Variants in ARHGEF10L observed in about 807,000 individuals in gnomAD.
ARHGEF10L encodes the protein rho guanine nucleotide exchange factor 10-like protein.
In ARHGEF10L, 69 loss-of-function variants were observed where a neutral mutation model predicts 141.2. The ratio of observed to expected loss-of-function variants is 0.49; its 90% CI spans 0.40 to 0.60. The LOEUF (loss-of-function observed/expected upper bound fraction) is 0.60, where lower values mean the gene tolerates loss of function less well. Among genes scored for constraint, ARHGEF10L ranks in the 20% least tolerant of loss-of-function variants. ARHGEF10L has a pLI of 0.00. For synonymous variants in ARHGEF10L, 711 were observed against 718.5 expected, an observed-to-expected ratio of 0.99 and a Z score of 0.17; for missense variants, 1,482 against 1,734.3, an observed-to-expected ratio of 0.85 and a Z score of 2.58.
At position 17,619,519 on chromosome 1, in the gene ARHGEF10L, G is replaced by A; in HGVS notation, c.942+74G>A. The A allele has an allele frequency of 8.2e-7, 1 of 1,221,976 alleles. No individual in the cohort carries two copies. The highest frequency in any genetic ancestry group is 1.1e-6 in the Non-Finnish European group (1 of 875,604). The allele number at this position is 1,221,976 out of a possible 1,614,324, so 75.7% of individuals were successfully genotyped here. On this transcript the variant is annotated intron_variant, in intron 10 of 28. Coordinates refer to ENST00000361221, the MANE Select transcript of ARHGEF10L (RefSeq NM_018125.4). The surrounding 1 kb of genome is among the most constrained non-coding windows in gnomAD (Gnocchi z 5.0). ...TTGGGGGTTCCAGCCTGTTCTCTGG[G>A]GCCACGCTTGTCTGGATCTCACAGG...
rs2059779317 is a variant in ARHGEF10L at position 17,615,904 on chromosome 1, A to G, written c.727-190A>G. 1 of 577,582 alleles carries G rather than the reference A, an allele frequency of 1.7e-6. No individual in the cohort carries two copies. The highest frequency in any genetic ancestry group is 1.9e-5 in the African/African-American group (1 of 53,380). The allele number at this position is 577,582 out of a possible 1,614,324, so 35.8% of individuals were successfully genotyped here. ...TTACAGCCTCCTGTTGCCCCTAAAG[A>G]GGGAGATCCCCGGGCATGAACGCAC... is the stretch of plus-strand genomic sequence containing the variant. On this transcript the variant is annotated intron_variant, in intron 8 of 28. Coordinates refer to ENST00000361221, the MANE Select transcript of ARHGEF10L (RefSeq NM_018125.4). This position sits in a 1 kb window ranked among gnomAD's most constrained non-coding sequence, Gnocchi z 4.7.
intron 27 of ARHGEF10L, among the ~76,000 whole-genome samples, chr1:17,689,139 C>T (rs2064860454): frequency 6.6e-6 from 1 of 152,076 alleles, no homozygotes; most frequent in Admixed American, 6.5e-5. Context: ...GGCAGGACCA[C>T]AGTCACATCA....
At chr1:17,557,601 G>A (rs550960411) in intron 1 of ARHGEF10L, among the ~76,000 whole-genome samples, 3 of 152,286 alleles carry the variant, frequency 2.0e-5, no homozygotes, top group Non-Finnish European at 4.4e-5. Flanking sequence ...ATCTCGGCTG[G>A]GACCGCGGAA....
At chr1:17,532,044 T>TAGGCCC in the ARHGEF10L span, among the ~76,000 whole-genome samples, 5 of 152,222 alleles carry the variant, frequency 3.3e-5, no homozygotes, top group East Asian at 5.8e-4. Flanking sequence ...AGTCTTTCTC[T>TAGGCCC]AGGCCCAGGC....
intron 27 of ARHGEF10L, among the ~76,000 whole-genome samples, chr1:17,691,675 G>T (rs1569829176): frequency 6.6e-6 from 1 of 151,938 alleles, no homozygotes; most frequent in Admixed American, 6.6e-5. Flanking sequence ...TGGGCTAAGA[G>T]CTGTGCTCAA....
intron 4 of ARHGEF10L, among the ~76,000 whole-genome samples, chr1:17,591,248 TTTG>T: frequency 6.6e-6 from 1 of 152,202 alleles, no homozygotes; most frequent in Middle Eastern, 3.4e-3. Flanking sequence ...ATTATCTCTT[TTTG>T]TTGTTGTTTG....
intron 4 of ARHGEF10L, among the ~76,000 whole-genome samples, chr1:17,593,519 A>G (rs2079781802): frequency 6.6e-6 from 1 of 152,150 alleles, no homozygotes; most frequent in Non-Finnish European, 1.5e-5. Context: ...AGAGTCAGAA[A>G]GAGGTGGGAA....
At chr1:17,663,666 C>T (rs2062785480) in intron 25 of ARHGEF10L, among the ~76,000 whole-genome samples, 1 of 152,030 alleles carries the variant, frequency 6.6e-6, no homozygotes, top group African/African-American at 2.4e-5. Context: ...TTGGAGTCGG[C>T]CAGAAGATTC....
chr1:17,585,127 T>C (rs1019187471), intron 2 of ARHGEF10L, among the ~76,000 whole-genome samples: 1 of 152,146 alleles, frequency 6.6e-6, no homozygotes, highest in Non-Finnish European at 1.5e-5. Context: ...CCAAATACAA[T>C]GCTGATTGGG....
At chr1:17,564,641 ATG>A (rs1209781281) in intron 1 of ARHGEF10L, among the ~76,000 whole-genome samples, 6 of 152,136 alleles carry the variant, frequency 3.9e-5, no homozygotes, top group Admixed American at 6.5e-5. Flanking sequence ...TTTATTGACT[ATG>A]TGACCTCGAG....
intron 27 of ARHGEF10L, among the ~76,000 whole-genome samples, chr1:17,692,319 C>T (rs2065164810): frequency 6.6e-6 from 1 of 152,076 alleles, no homozygotes; most frequent in Non-Finnish European, 1.5e-5. Context: ...GAGTTTGCAT[C>T]ATGTTGCCAG....
the ARHGEF10L span, among the ~76,000 whole-genome samples, chr1:17,516,820 G>A: frequency 1.3e-5 from 2 of 152,166 alleles, no homozygotes; most frequent in African/African-American, 4.8e-5. Context: ...TATTACTTCT[G>A]CAGGTGGAGC....
At position 17,697,019 on chromosome 1, in the gene ARHGEF10L, A is replaced by G; in HGVS notation, c.3479A>G (p.His1160Arg). ...GQAHEPMPDS[H>R]VGRELTRKKG... is the part of the protein sequence containing the mutation. ...GCACACGAGCCCATGCCCGATAGCC[A>G]CGTGGGCCGAGAGCTGACCCGCAAG... Residue 1160 changes from histidine (H) to arginine (R), a missense_variant, in exon 29 of 29, where the codon CAC becomes CGC. His to Arg is a conservative substitution (Grantham distance 29). Around this residue, in one of 3 missense-constraint regions of ARHGEF10L, gnomAD observed 858 missense variants for 966.3 expected, o/e 0.89. Coordinates refer to ENST00000361221, the MANE Select transcript of ARHGEF10L (RefSeq NM_018125.4). This position sits in a 1 kb window ranked among gnomAD's most constrained non-coding sequence, Gnocchi z 4.8. 1 of 1,608,102 alleles carries G rather than the reference A, an allele frequency of 6.2e-7. No individual in the cohort carries two copies. Among genetic ancestry groups the G allele is most frequent in the African/African-American group, 1.3e-5 (1 of 74,988 alleles).
intron 1 of ARHGEF10L, among the ~76,000 whole-genome samples, chr1:17,547,856 A>G (rs1033250449): frequency 6.6e-6 from 1 of 152,122 alleles, no homozygotes; most frequent in Non-Finnish European, 1.5e-5. Flanking sequence ...TCAGTGATTC[A>G]TTTACTCATT....
the ARHGEF10L span, among the ~76,000 whole-genome samples, chr1:17,523,926 C>T: frequency 6.6e-6 from 1 of 152,104 alleles, no homozygotes; most frequent in Admixed American, 6.5e-5. Context: ...TTGCCCAAGC[C>T]ATGTCTGCAG....
At position 17,654,291 on chromosome 1, in the gene ARHGEF10L, G is replaced by C. The variant is rs2062100252; in HGVS notation, c.2395-345G>C. On this transcript the variant is annotated intron_variant, in intron 22 of 28. Coordinates refer to ENST00000361221, the MANE Select transcript of ARHGEF10L (RefSeq NM_018125.4). The surrounding 1 kb of genome is among the most constrained non-coding windows in gnomAD (Gnocchi z 4.3). ...CTCACCTCCTCTGTGGTCTAGGGTA[G>C]TCACCTGCCCTCTGTGACCCTCATT... Among the ~76,000 whole-genome samples, 1 of 152,194 alleles carries C rather than the reference G, an allele frequency of 6.6e-6. No individual in the cohort carries two copies. The highest frequency in any genetic ancestry group is 2.4e-5 in the African/African-American group (1 of 41,448).
intron 21 of ARHGEF10L, among the ~76,000 whole-genome samples, chr1:17,645,573 G>A (rs1234137389): frequency 6.6e-6 from 1 of 152,014 alleles, no homozygotes. Context: ...AGAGGTGAGG[G>A]TCTGCTTGAT....
rs914835903 is a variant in ARHGEF10L, at chr1:17,627,628, C to T, written c.1584+125C>T. 23 of 1,216,092 alleles carry T rather than the reference C, an allele frequency of 1.9e-5. No individual in the cohort carries two copies. Among genetic ancestry groups the T allele is most frequent in the Non-Finnish European group, 2.6e-5 (23 of 881,834 alleles). 75.3% of individuals were successfully genotyped at this position (1,216,092 alleles called of 1,614,324 possible). On this transcript the variant is annotated intron_variant, in intron 15 of 28. Coordinates refer to ENST00000361221, the MANE Select transcript of ARHGEF10L (RefSeq NM_018125.4). This position sits in a 1 kb window ranked among gnomAD's most constrained non-coding sequence, Gnocchi z 4.0. ...TCTCTGAGGGAGGGGAGGCCTTGCT[C>T]TTCCAAGGATGTGACCTTGGGGATT...
intron 4 of ARHGEF10L, among the ~76,000 whole-genome samples, chr1:17,596,334 C>T (rs563326899): frequency 5.9e-5 from 9 of 152,330 alleles, no homozygotes; most frequent in African/African-American, 1.7e-4. Context: ...GTCTCTTGAT[C>T]GGGCCATCAT....
Sources: allele counts gnomAD v4.1 joint callset (sites outside exome capture counted in the v4.1 genomes callset), GRCh38; gene constraint gnomAD v4.1.1; regional missense constraint gnomAD v4.1.1; non-coding constraint Gnocchi (gnomAD v3.1); transcripts MANE v1.5; gene names NCBI Gene and HGNC (gene_info 2026-07-23, HGNC 2026-07-21).